The following ACTN4 variants were observed in gnomAD, a reference collection of about 807,000 sequenced individuals.
The protein encoded by ACTN4 is alpha-actinin-4.
A neutral mutation model predicts 114.2 loss-of-function variants in ACTN4; 18 were observed. That is an observed-to-expected ratio of 0.16 (90% CI 0.11 to 0.23). ACTN4 has a LOEUF of 0.23. Ranked by LOEUF, ACTN4 falls within the 10% of genes least tolerant of loss-of-function variation. ACTN4 has a pLI of 1.00. For synonymous variants in ACTN4, 515 were observed against 506.3 expected, an observed-to-expected ratio of 1.02 and a Z score of -0.23; for missense variants, 722 against 1,262.9, an observed-to-expected ratio of 0.57 and a Z score of 6.49.
At chr19:38,703,928 G>A (rs1968368987) in intron 3 of ACTN4, among the ~76,000 whole-genome samples, 1 of 152,198 alleles carries the variant, frequency 6.6e-6, no homozygotes, top group Non-Finnish European at 1.5e-5. Flanking sequence ...AGTGGACAGA[G>A]CGTATCAAAG....
At chr19:38,714,357 C>T (rs2145051213) in intron 8 of ACTN4, 112 bp from the exon 9 acceptor site, 3 of 940,066 alleles carry the variant, frequency 3.2e-6, no homozygotes, top group African/African-American at 1.6e-5. Context: ...TCCTCTCCTT[C>T]CCCTCTGTGA....
intron 1 of ACTN4, chr19:38,683,983 A>T (rs1967658994): frequency 6.6e-6 from 1 of 152,220 alleles, no homozygotes; most frequent in Non-Finnish European, 1.5e-5. Flanking sequence ...AATGAGAGGA[A>T]CCATGTGAAG....
At chr19:38,653,911 G>T (rs186121228) in intron 1 of ACTN4, among the ~76,000 whole-genome samples, 55 of 152,334 alleles carry the variant, frequency 3.6e-4, no homozygotes, top group Non-Finnish European at 3.1e-4. Context: ...CATCCGTGGA[G>T]ATTTGAAAGA....
At chr19:38,711,260 C>T in intron 8 of ACTN4, 1 of 998,716 alleles carries the variant, frequency 1.0e-6, no homozygotes, top group East Asian at 9.7e-5. Context: ...CTCTCTTTCT[C>T]TCTCTCTCTG....
rs1187338705 is a variant in ACTN4 at position 38,729,152 on chromosome 19, A to C, written c.2575A>C (p.Lys859Gln). Residue 859 changes from lysine (K) to glutamine (Q), a missense_variant and splice_region_variant, in exon 20 of 21, where the codon AAG becomes CAG. Physicochemically the swap from Lys to Gln is moderately conservative, Grantham distance 53. Coordinates refer to ENST00000252699, the MANE Select transcript of ACTN4 (RefSeq NM_004924.6). ...IASFKVLAGD[K>Q]NFITAEELRR... The stretch of plus-strand genomic sequence containing the variant: ...TTCCTTCAAGGTCTTAGCAGGGGAC[A>C]AGGTGAGCGAGACCCCTACGAGGTG... The C allele has an allele frequency of 6.2e-7, 1 of 1,612,808 alleles. No individual in the cohort carries two copies. The highest frequency in any genetic ancestry group is 8.5e-7 in the Non-Finnish European group (1 of 1,179,994).
At chr19:38,718,168 G>T (rs565299215) in intron 11 of ACTN4, 94 bp downstream of exon 11, 7 of 1,541,364 alleles carry the variant, frequency 4.5e-6, no homozygotes, top group South Asian at 3.6e-5. Context: ...ACAGCCCCCT[G>T]CCACGTTGGG....
At chr19:38,723,294 A>C (rs1969110382) in intron 12 of ACTN4, among the ~76,000 whole-genome samples, 1 of 152,124 alleles carries the variant, frequency 6.6e-6, no homozygotes, top group African/African-American at 2.4e-5. Context: ...TCAGGCCCCA[A>C]GGCCTGGTTG....
At chr19:38,665,885 T>TC (rs1194999931) in intron 1 of ACTN4, among the ~76,000 whole-genome samples, 1 of 152,108 alleles carries the variant, frequency 6.6e-6, no homozygotes, top group Non-Finnish European at 1.5e-5. Flanking sequence ...CAAAGCAAAG[T>TC]CCAACTCAAG....
rs778422858 is a variant in ACTN4 at position 38,727,955 on chromosome 19, G to A, written c.2347G>A (p.Gly783Arg). The A allele has an allele frequency of 1.2e-5, 19 of 1,612,358 alleles. No homozygotes were observed. Among genetic ancestry groups the A allele is most frequent in the Non-Finnish European group, 1.6e-5 (19 of 1,179,776 alleles). Residue 783 changes from glycine (G) to arginine (R), a missense_variant, in exon 19 of 21, where the codon GGG becomes AGG. Coordinates refer to ENST00000252699, the MANE Select transcript of ACTN4 (RefSeq NM_004924.6). This position sits in a 1 kb window ranked among gnomAD's most constrained non-coding sequence, Gnocchi z 5.4. Reference protein sequence around the residue: ...SFNHFDKDHGGALGPEEFKAC... With the variant: ...SFNHFDKDHGRALGPEEFKAC... ...CGGATGGCCCCGGCAGGATCATGGC[G>A]GGGCGCTGGGGCCCGAGGAGTTCAA...
intron 19 of ACTN4, chr19:38,728,411 C>T (rs1378197414): frequency 1.9e-6 from 1 of 532,538 alleles, no homozygotes; most frequent in East Asian, 1.1e-4. Flanking sequence ...CAGCCACCCG[C>T]TCCTCCTCCT....
chr19:38,689,687 T>C (rs1967860029), intron 1 of ACTN4, among the ~76,000 whole-genome samples: 1 of 152,022 alleles, frequency 6.6e-6, no homozygotes, highest in Non-Finnish European at 1.5e-5. Flanking sequence ...TTTTTCTTTT[T>C]CTTTGAGATG....
chr19:38,710,227 G>T, intron 7 of ACTN4, 30 bp from the exon 8 acceptor site: 3 of 1,613,396 alleles, frequency 1.9e-6, no homozygotes, highest in Non-Finnish European at 2.5e-6. Context: ...GCCCTACTCG[G>T]GCAGTTTAAC....
At position 38,727,539 on chromosome 19, in the gene ACTN4, G is replaced by T. The variant is rs78054678; in HGVS notation, c.2338-407G>T. Among the ~76,000 whole-genome samples, 2,965 of 151,866 alleles carry T rather than the reference G, an allele frequency of 0.02. 133 individuals are homozygous for T. The highest frequency in any genetic ancestry group is 0.15 in the South Asian group (720 of 4,804). On this transcript the variant is annotated intron_variant, in intron 18 of 20. Transcript: ENST00000252699. The surrounding 1 kb of genome is among the most constrained non-coding windows in gnomAD (Gnocchi z 5.4). Reference sequence around the variant, plus strand: ...CACCCCTGCCGGGCTGACGGACTGAGAAGTGTGCAGCCTCAGCTCTGCACC... The same window carrying T: ...CACCCCTGCCGGGCTGACGGACTGATAAGTGTGCAGCCTCAGCTCTGCACC...
At chr19:38,673,016 C>A (rs1967182029) in intron 1 of ACTN4, among the ~76,000 whole-genome samples, 1 of 149,512 alleles carries the variant, frequency 6.7e-6, no homozygotes, top group African/African-American at 2.5e-5. Flanking sequence ...AATCTTGGCT[C>A]ACTACAACCT....
intron 1 of ACTN4, among the ~76,000 whole-genome samples, chr19:38,649,708 C>T (rs1976501420): frequency 6.6e-6 from 1 of 151,884 alleles, no homozygotes; most frequent in African/African-American, 2.4e-5. Flanking sequence ...TGGGGAGTGA[C>T]TGGAAGCCTC....
At chr19:38,701,593 T>G (rs1968279570) in intron 3 of ACTN4, among the ~76,000 whole-genome samples, 1 of 152,190 alleles carries the variant, frequency 6.6e-6, no homozygotes, top group Non-Finnish European at 1.5e-5. Flanking sequence ...CAAAGGTCAG[T>G]GCCTAGACTT....
chr19:38,728,286 T>G (rs751146014), intron 19 of ACTN4: 3 of 1,533,020 alleles, frequency 2.0e-6, no homozygotes, highest in South Asian at 1.2e-5. Flanking sequence ...GGGCCCGGCC[T>G]CCTCTGCTAT....
intron 8 of ACTN4, among the ~76,000 whole-genome samples, chr19:38,713,800 C>G (rs908007344): frequency 6.6e-6 from 1 of 151,594 alleles, no homozygotes; most frequent in African/African-American, 2.4e-5. Context: ...CCTGGTCTCT[C>G]TCTCCCCGTG....
chr19:38,691,088 A>C (rs1445432317), intron 1 of ACTN4, among the ~76,000 whole-genome samples: 4 of 152,186 alleles, frequency 2.6e-5, no homozygotes. Flanking sequence ...CAAAGAACAT[A>C]GTTTTTGATG....
Sources: gnomAD v4.1 joint callset for allele counts (sites outside exome capture counted in the v4.1 genomes callset) on GRCh38, gnomAD v4.1.1 for gene constraint, Gnocchi (gnomAD v3.1) non-coding constraint, MANE v1.5 for transcripts, NCBI Gene and HGNC (gene_info 2026-07-23, HGNC 2026-07-21) for gene names.